Variants in IL1RAPL1 observed in about 807,000 individuals in gnomAD.
IL1RAPL1 encodes the protein interleukin-1 receptor accessory protein-like 1.
Under a neutral mutation model 48.4 loss-of-function variants are expected in IL1RAPL1, and 3 were observed. The observed-to-expected ratio is 0.06, with a 90% CI of 0.03 to 0.16. The LOEUF (loss-of-function observed/expected upper bound fraction) is 0.16, where lower values mean the gene tolerates loss of function less well. Among genes scored for constraint, IL1RAPL1 ranks in the 10% least tolerant of loss-of-function variants. IL1RAPL1 has a pLI of 1.00. For synonymous variants in IL1RAPL1, 185 were observed against 187.7 expected, an observed-to-expected ratio of 0.99 and a Z score of 0.12; for missense variants, 349 against 530.6, an observed-to-expected ratio of 0.66 and a Z score of 3.36.
At chrX:29,805,121 GT>G (rs1008556482) in intron 6 of IL1RAPL1, among the ~76,000 whole-genome samples, 1 of 111,427 alleles carries the variant, frequency 9.0e-6, no homozygotes, top group Non-Finnish European at 1.9e-5. Flanking sequence ...GTAGATTTCA[GT>G]TTTTTTCACT....
chrX:29,504,062 G>A (rs1935302994), intron 5 of IL1RAPL1, among the ~76,000 whole-genome samples: 1 of 108,292 alleles, frequency 9.2e-6, no homozygotes, highest in Non-Finnish European at 1.9e-5. Flanking sequence ...CTGGGTTCAA[G>A]TGATTCTCCT....
intron 2 of IL1RAPL1, among the ~76,000 whole-genome samples, chrX:29,132,805 T>G (rs1280921650): frequency 8.9e-6 from 1 of 111,912 alleles, no homozygotes; most frequent in East Asian, 2.8e-4. Flanking sequence ...TCCTACCTTT[T>G]TATTGGTATT....
chrX:29,336,304 G>GGTGT (rs375590826), intron 3 of IL1RAPL1, among the ~76,000 whole-genome samples: 181 of 70,834 alleles, frequency 2.6e-3, no homozygotes, highest in East Asian at 0.018. Context: ...ACCGTTTTGG[G>GGTGT]GTGTGTGTGT....
At chrX:29,400,704 A>G (rs1431595198) in intron 5 of IL1RAPL1, among the ~76,000 whole-genome samples, 1 of 112,035 alleles carries the variant, frequency 8.9e-6, no homozygotes, top group East Asian at 2.8e-4. Flanking sequence ...TCTTATAATA[A>G]TTTATTTCTT....
At chrX:29,776,663 T>TG (rs1480548886) in intron 6 of IL1RAPL1, among the ~76,000 whole-genome samples, 5 of 111,986 alleles carry the variant, frequency 4.5e-5, no homozygotes, top group Admixed American at 3.8e-4. Context: ...AAAGGATACT[T>TG]GGAGAAACCT....
intron 2 of IL1RAPL1, among the ~76,000 whole-genome samples, chrX:29,263,860 T>TCC (rs34183350): frequency 4.9e-5 from 4 of 81,066 alleles, no homozygotes; most frequent in Admixed American, 3.0e-4. Flanking sequence ...TCTCTCTCTC[T>TCC]CCCCCCCCCC....
At chrX:29,445,022 G>A (rs1934596590) in intron 5 of IL1RAPL1, among the ~76,000 whole-genome samples, 1 of 112,473 alleles carries the variant, frequency 8.9e-6, no homozygotes, top group East Asian at 2.8e-4. Flanking sequence ...CTTCACGTTA[G>A]CCCTGTGGGC....
At chrX:28,588,721 A>T (rs1228697916) in intron 1 of IL1RAPL1, among the ~76,000 whole-genome samples, 1 of 112,585 alleles carries the variant, frequency 8.9e-6, no homozygotes, top group South Asian at 3.6e-4. Context: ...GCTAAAAATG[A>T]TGGCTAACAT....
chrX:29,595,095 C>T (rs190406144), intron 5 of IL1RAPL1, among the ~76,000 whole-genome samples: 72 of 112,247 alleles, frequency 6.4e-4, no homozygotes, highest in Non-Finnish European at 1.3e-3. Context: ...AGTATTCCAT[C>T]GTATATATAC....
chrX:28,889,433 A>G (rs1052297063), intron 2 of IL1RAPL1, among the ~76,000 whole-genome samples: 4 of 111,646 alleles, frequency 3.6e-5, no homozygotes, highest in Non-Finnish European at 7.5e-5. Flanking sequence ...ATATTTTAGG[A>G]TTTTTAGCAC....
chrX:29,244,333 T>C (rs1168780153), intron 2 of IL1RAPL1, among the ~76,000 whole-genome samples: 4 of 112,094 alleles, frequency 3.6e-5, no homozygotes, highest in Non-Finnish European at 3.8e-5. Context: ...CCTTAAAACT[T>C]GAGTCTCAAA....
chrX:29,900,564 C>T (rs1932476266), intron 6 of IL1RAPL1, among the ~76,000 whole-genome samples: 1 of 112,037 alleles, frequency 8.9e-6, no homozygotes, highest in Non-Finnish European at 1.9e-5. Context: ...TACTATATTA[C>T]CCCTAAATAA....
At chrX:29,246,951 G>A (rs1931524994) in intron 2 of IL1RAPL1, among the ~76,000 whole-genome samples, 1 of 111,587 alleles carries the variant, frequency 9.0e-6, no homozygotes, top group South Asian at 3.7e-4. Context: ...ATCTGGCAAA[G>A]TGTTTAGTTT....
chrX:29,843,157 T>C (rs142131597), intron 6 of IL1RAPL1, among the ~76,000 whole-genome samples: 2,686 of 111,879 alleles, frequency 0.024, 77 homozygotes, highest in African/African-American at 0.081. Context: ...GAATTATGAG[T>C]TCCGTACATT....
intron 2 of IL1RAPL1, among the ~76,000 whole-genome samples, chrX:29,067,492 A>T (rs1274919886): frequency 1.8e-5 from 2 of 112,314 alleles, no homozygotes; most frequent in Non-Finnish European, 3.8e-5. Context: ...TGTTCCACGA[A>T]ACAGCCTATT....
chrX:29,460,071 A>G (rs1381215276), intron 5 of IL1RAPL1, among the ~76,000 whole-genome samples: 1 of 111,671 alleles, frequency 9.0e-6, no homozygotes, highest in Non-Finnish European at 1.9e-5. Flanking sequence ...CTGTAGTCCC[A>G]CCATATGCAC....
chrX:29,809,762 A>G (rs2147177082), intron 6 of IL1RAPL1, among the ~76,000 whole-genome samples: 1 of 107,393 alleles, frequency 9.3e-6, no homozygotes, highest in African/African-American at 3.5e-5. Flanking sequence ...GATTAAATAT[A>G]CCCAAGTCGT....
chrX:29,723,994 T>C (rs1927711495), intron 6 of IL1RAPL1, among the ~76,000 whole-genome samples: 1 of 110,267 alleles, frequency 9.1e-6, no homozygotes, highest in Non-Finnish European at 1.9e-5. Flanking sequence ...TTTGTATTTT[T>C]AGTAGAGATG....
At chrX:28,689,088 C>T (rs1569152244) in intron 1 of IL1RAPL1, among the ~76,000 whole-genome samples, 1 of 111,076 alleles carries the variant, frequency 9.0e-6, no homozygotes, top group Non-Finnish European at 1.9e-5. Context: ...AATTTTCTCA[C>T]GTCAGTTCGC....
Sources: gnomAD v4.1 joint callset for allele counts (sites outside exome capture counted in the v4.1 genomes callset) on GRCh38, gnomAD v4.1.1 for gene constraint, MANE v1.5 for transcripts, NCBI Gene and HGNC (gene_info 2026-07-23, HGNC 2026-07-21) for gene names.